The following LRP1B variants were observed in gnomAD, a reference collection of about 807,000 sequenced individuals.
LRP1B encodes the protein low-density lipoprotein receptor-related protein 1B.
LRP1B carries 217 observed loss-of-function variants against 556.6 expected under a neutral mutation model. The observed-to-expected ratio is 0.39, with a 90% CI of 0.35 to 0.44. The LOEUF (loss-of-function observed/expected upper bound fraction) is 0.44. Among genes scored for constraint, LRP1B ranks in the 20% least tolerant of loss-of-function variants. The probability of loss-of-function intolerance (pLI) is 1.00; values close to 1 mark genes in which losing one functional copy is unlikely to be tolerated. For synonymous variants in LRP1B, 2,047 were observed against 1,865.8 expected (o/e 1.10, Z -2.50); for missense variants, 5,053 against 5,620.8 (o/e 0.90, Z 3.23).
At chr2:141,124,792 T>C (rs1032165377) in intron 7 of LRP1B, among the ~76,000 whole-genome samples, 1 of 152,142 alleles carries the variant, frequency 6.6e-6, no homozygotes, top group Non-Finnish European at 1.5e-5. Context: ...TTTGTTAAAT[T>C]AATAGATAGG....
At chr2:141,228,644 A>G (rs757854783) in intron 6 of LRP1B, among the ~76,000 whole-genome samples, 3 of 151,802 alleles carry the variant, frequency 2.0e-5, no homozygotes, top group Non-Finnish European at 2.9e-5. Context: ...TTATGGTAAT[A>G]TGCAGGAAGA....
chr2:141,424,900 T>C (rs148701926), intron 3 of LRP1B, among the ~76,000 whole-genome samples: 37 of 152,270 alleles, frequency 2.4e-4, no homozygotes, highest in Non-Finnish European at 4.4e-4. Context: ...AATGCAAAAT[T>C]GTGCTGCTGA....
In LRP1B at chr2:140,989,395, A is replaced by G. The variant is rs117874715; in HGVS notation, c.2770+137T>C. ...TGTATTCTAGCCTTTGTGGCATCAAACTCTGAATTCATTTACTACTGCAAT... is the reference window on the plus strand; with the variant it reads ...TGTATTCTAGCCTTTGTGGCATCAAGCTCTGAATTCATTTACTACTGCAAT... On this transcript the variant is annotated intron_variant, in intron 17 of 90. Coordinates refer to ENST00000389484, the MANE Select transcript of LRP1B (RefSeq NM_018557.3). 2,581 of 874,124 alleles carry G rather than the reference A, an allele frequency of 3.0e-3. 38 individuals carry two copies. In the East Asian group the frequency reaches 0.035, roughly 12 times the overall value. 54.1% of individuals were successfully genotyped at this position (874,124 alleles called of 1,614,324 possible).
At chr2:140,844,316 G>A (rs972567158) in intron 29 of LRP1B, among the ~76,000 whole-genome samples, 7 of 151,980 alleles carry the variant, frequency 4.6e-5, no homozygotes, top group Non-Finnish European at 1.0e-4. Context: ...CACCCACCTC[G>A]GCCTCCCAAA....
chr2:140,509,083 A>ACACAC (rs1558931371), intron 52 of LRP1B, among the ~76,000 whole-genome samples: 2 of 148,796 alleles, frequency 1.3e-5, no homozygotes, highest in African/African-American at 2.5e-5. Flanking sequence ...CACACACACA[A>ACACAC]ACACACACAC....
At chr2:140,488,981 G>A (rs900004084) in intron 57 of LRP1B, among the ~76,000 whole-genome samples, 2 of 151,926 alleles carry the variant, frequency 1.3e-5, no homozygotes, top group African/African-American at 4.8e-5. Flanking sequence ...AGAATCTGAT[G>A]ATAATAATAA....
intron 35 of LRP1B, among the ~76,000 whole-genome samples, chr2:140,751,880 G>C (rs905656319): frequency 6.6e-6 from 1 of 152,094 alleles, no homozygotes; most frequent in African/African-American, 2.4e-5. Context: ...TTTCAGAAAA[G>C]TTATTACTAA....
At chr2:141,393,916 T>C (rs909952845) in intron 3 of LRP1B, among the ~76,000 whole-genome samples, 1 of 152,180 alleles carries the variant, frequency 6.6e-6, no homozygotes, top group Non-Finnish European at 1.5e-5. Context: ...TAGTATTGTA[T>C]TCACTTTTAG....
chr2:141,588,607 T>G (rs1029687426), intron 2 of LRP1B, among the ~76,000 whole-genome samples: 6 of 152,134 alleles, frequency 3.9e-5, no homozygotes, highest in African/African-American at 1.4e-4. Context: ...TCCATGGGCT[T>G]CCGTTTCTTT....
At chr2:141,072,155 C>A (rs915648349) in intron 7 of LRP1B, among the ~76,000 whole-genome samples, 2 of 152,078 alleles carry the variant, frequency 1.3e-5, no homozygotes, top group Admixed American at 6.6e-5. Flanking sequence ...ACTCCATGAT[C>A]AAGCTCCATA....
chr2:140,946,180 T>C (rs1695542149), intron 20 of LRP1B, among the ~76,000 whole-genome samples: 1 of 152,160 alleles, frequency 6.6e-6, no homozygotes, highest in Non-Finnish European at 1.5e-5. Context: ...AGAATGGCTA[T>C]TATTAAAAAG....
intron 7 of LRP1B, among the ~76,000 whole-genome samples, chr2:141,172,095 G>A (rs987739764): frequency 6.6e-6 from 1 of 152,106 alleles, no homozygotes; most frequent in South Asian, 2.1e-4. Flanking sequence ...AGCGTGAAAA[G>A]CTGTTCTAGG....
At chr2:141,628,675 G>T (rs376099226) in intron 2 of LRP1B, among the ~76,000 whole-genome samples, 8 of 151,946 alleles carry the variant, frequency 5.3e-5, no homozygotes. Context: ...TTGAAATAGG[G>T]TCTCACTCTG....
intron 2 of LRP1B, among the ~76,000 whole-genome samples, chr2:141,772,532 C>G (rs555582864): frequency 2.6e-5 from 4 of 152,158 alleles, no homozygotes; most frequent in Non-Finnish European, 4.4e-5. Flanking sequence ...GAATCAGTAA[C>G]TCTGGGATAG....
At position 140,552,657 on chromosome 2, in the gene LRP1B, G is replaced by A. The variant is rs186811358; in HGVS notation, c.7195-10686C>T. Among the ~76,000 whole-genome samples the A allele has an allele frequency of 4.0e-4, 61 of 152,204 alleles. 1 individual carries two copies. The highest frequency in any genetic ancestry group is 6.8e-3 in the Middle Eastern group (2 of 294). On this transcript the variant is annotated intron_variant, in intron 43 of 90. Coordinates refer to ENST00000389484, the MANE Select transcript of LRP1B (RefSeq NM_018557.3). ...CCTAGTCAGAGTCTTTATGTAGAGC[G>A]CAGAAGCCTTGTCATCACAAATTGC...
chr2:141,643,575 G>T (rs1030931568), intron 2 of LRP1B, among the ~76,000 whole-genome samples: 3 of 152,112 alleles, frequency 2.0e-5, no homozygotes, highest in Non-Finnish European at 4.4e-5. Context: ...ATACACATAA[G>T]TACAAACTAG....
chr2:140,651,526 T>TA (rs558677783), intron 41 of LRP1B, among the ~76,000 whole-genome samples: 5,731 of 106,966 alleles, frequency 0.054, 292 homozygotes, highest in East Asian at 0.22. Flanking sequence ...ATACAAAAAT[T>TA]AAAAAAAAAA....
At chr2:142,082,352 G>C (rs186884002) in intron 1 of LRP1B, among the ~76,000 whole-genome samples, 1 of 152,028 alleles carries the variant, frequency 6.6e-6, no homozygotes, top group Admixed American at 6.6e-5. Context: ...TTCTCATTTG[G>C]AAGGTAACTA....
Position 140,506,664 on chromosome 2 carries a change from T to TGA in LRP1B, c.8521+131_8521+132insTC, listed in dbSNP as rs1464212694. On this transcript the variant is annotated intron_variant, in intron 53 of 90. Coordinates refer to ENST00000389484, the MANE Select transcript of LRP1B (RefSeq NM_018557.3). ...ATAAGTTATATGTGCTGTGATTGTG[T>TGA]ATTACTGAATTCACTGGGTGTTGAT... The TGA allele has an allele frequency of 9.9e-5, 81 of 819,954 alleles. No homozygotes were observed. In the African/African-American group the frequency reaches 1.3e-3, roughly 13 times the overall value. The allele number at this position is 819,954 out of a possible 1,614,324, so 50.8% of individuals were successfully genotyped here. A position where few individuals can be genotyped will look rare whatever the true frequency, so the allele number is the denominator to read the frequency against.
Sources: gnomAD v4.1 joint callset for allele counts (sites outside exome capture counted in the v4.1 genomes callset) on GRCh38, gnomAD v4.1.1 for gene constraint, MANE v1.5 for transcripts, NCBI Gene and HGNC (gene_info 2026-07-23, HGNC 2026-07-21) for gene names.